Variants in TMEM243 observed in about 807,000 individuals in gnomAD.
The protein encoded by TMEM243 is transmembrane protein 243.
Under a neutral mutation model 15.0 loss-of-function variants are expected in TMEM243, and 20 were observed. The ratio of observed to expected loss-of-function variants is 1.33; its 90% CI spans 0.94 to 1.93. The LOEUF (loss-of-function observed/expected upper bound fraction) is 1.93, where lower values mean the gene tolerates loss of function less well. Ranked by LOEUF, TMEM243 falls within the 30% of genes most tolerant of loss-of-function variation. The probability of loss-of-function intolerance (pLI) is 0.00; values close to 1 mark genes in which losing one functional copy is unlikely to be tolerated. For synonymous variants in TMEM243, 72 were observed against 52.7 expected (o/e 1.37, Z -1.59); for missense variants, 156 against 142.1 (o/e 1.10, Z -0.50).
In TMEM243 at chr7:87,198,385, GA is replaced by G. The variant is rs1311936035; in HGVS notation, c.130-341del. On this transcript the variant is annotated intron_variant, in intron 2 of 3. Transcript: ENST00000257637. Reference sequence around the variant, plus strand: ...TTATTTTAAATATTTCTAGCAAAATGAATATAATCAAAGCTGGTTTTGCTAT... The same window carrying G: ...TTATTTTAAATATTTCTAGCAAAATGATATAATCAAAGCTGGTTTTGCTAT... 1.4e-5 allele frequency: 3 copies of G among 220,798 alleles called. 1 individual carries two copies. The highest frequency in any genetic ancestry group is 6.9e-5 in the African/African-American group (3 of 43,602). 13.7% of individuals were successfully genotyped at this position (220,798 alleles called of 1,614,324 possible). A position where few individuals can be genotyped will look rare whatever the true frequency, so the allele number is the denominator to read the frequency against.
At chr7:87,219,373 G>A (rs895869232) in intron 1 of TMEM243, 53 bp downstream of exon 1, 11 of 1,565,342 alleles carry the variant, frequency 7.0e-6, no homozygotes, top group East Asian at 4.5e-5. Context: ...CCGCCAGAGG[G>A]CAGGCAGCAG....
intron 1 of TMEM243, among the ~76,000 whole-genome samples, chr7:87,207,643 G>T (rs1483848013): frequency 6.6e-6 from 1 of 152,210 alleles, no homozygotes; most frequent in Non-Finnish European, 1.5e-5. Context: ...ATGCCATGAA[G>T]ACATTCCCTA....
chr7:87,215,685 G>A (rs566808881), intron 1 of TMEM243, among the ~76,000 whole-genome samples: 1 of 152,082 alleles, frequency 6.6e-6, no homozygotes, highest in Admixed American at 6.5e-5. Context: ...AAGTACTATA[G>A]CACAAAACTT....
intron 1 of TMEM243, among the ~76,000 whole-genome samples, chr7:87,219,125 TACA>T (rs1325358339): frequency 3.3e-5 from 5 of 152,126 alleles, no homozygotes; most frequent in Non-Finnish European, 7.4e-5. Context: ...GGTGCAGCTG[TACA>T]ACCACTAAAT....
At chr7:87,202,245 C>T (rs1801871672) in intron 1 of TMEM243, among the ~76,000 whole-genome samples, 1 of 152,022 alleles carries the variant, frequency 6.6e-6, no homozygotes, top group Non-Finnish European at 1.5e-5. Flanking sequence ...CTTGGACAGT[C>T]AAGGAGAGAC....
chr7:87,204,619 AATG>A (rs1802071970), intron 1 of TMEM243, among the ~76,000 whole-genome samples: 1 of 152,202 alleles, frequency 6.6e-6, no homozygotes, highest in Non-Finnish European at 1.5e-5. Flanking sequence ...TTAAAGCTCC[AATG>A]TCTCACATCC....
At chr7:87,196,895 G>T in intron 3 of TMEM243, 137 bp from the exon 4 acceptor site, 1 of 612,890 alleles carries the variant, frequency 1.6e-6, no homozygotes, top group Non-Finnish European at 2.8e-6. Context: ...CTACATTCCT[G>T]AGATCAGTAC....
At chr7:87,209,525 AGAGT>A (rs1472448901) in intron 1 of TMEM243, among the ~76,000 whole-genome samples, 12 of 50,418 alleles carry the variant, frequency 2.4e-4, no homozygotes, top group South Asian at 6.5e-4. Context: ...AGTGAGAGAG[AGAGT>A]GAGAGAGAAA....
At position 87,199,028 on chromosome 7, in the gene TMEM243, G is replaced by A; in HGVS notation, c.108C>T (p.Ser36=). Residue 36 remains serine, a synonymous_variant, in exon 2 of 4, where the codon AGC becomes AGT. Coordinates refer to ENST00000257637, the MANE Select transcript of TMEM243 (RefSeq NM_024315.4). ...TTACTAGAATCAATAAGGATGTTAAGCTGCCAACAACTAAATTGATGATTC... is the reference window on the plus strand; with the variant it reads ...TTACTAGAATCAATAAGGATGTTAAACTGCCAACAACTAAATTGATGATTC... ...KDRIINLVVG[S]LTSLLILVTL... 1 of 1,605,792 alleles carries A rather than the reference G, an allele frequency of 6.2e-7. No homozygotes were observed. The highest frequency in any genetic ancestry group is 8.5e-7 in the Non-Finnish European group (1 of 1,177,210).
At chr7:87,209,723 A>AGAGCGAGACACAGT (rs1802554997) in intron 1 of TMEM243, among the ~76,000 whole-genome samples, 1 of 143,022 alleles carries the variant, frequency 7.0e-6, no homozygotes, top group Admixed American at 6.8e-5. Context: ...AGACACAGTG[A>AGAGCGAGACACAGT]GAGCGAGACA....
Position 87,215,998 on chromosome 7 carries a change from T to C in TMEM243, c.78+3428A>G, listed in dbSNP as rs369251816. On this transcript the variant is annotated intron_variant, in intron 1 of 3. Coordinates refer to ENST00000257637, the MANE Select transcript of TMEM243 (RefSeq NM_024315.4). ...ACAACAAATTAAAAAGGGCCAGGCG[T>C]GGTGGCTCACGCCTGTAATCCCAGC... is the stretch of plus-strand genomic sequence containing the variant. Among the ~76,000 whole-genome samples, 77 of 151,960 alleles carry C rather than the reference T, an allele frequency of 5.1e-4. No individual in the cohort carries two copies. In the East Asian group the frequency reaches 0.011, roughly 21 times the overall value.
In TMEM243 at chr7:87,199,013, C is replaced by G; in HGVS notation, c.123G>C (p.Leu41Phe). ...ACAAAATGAGGATACTTACTAGAAT[C>G]AATAAGGATGTTAAGCTGCCAACAA... ...NLVVGSLTSL[L>F]ILVTLISAFV... The change falls in exon 2 of 4, where the codon TTG (leucine) becomes TTC (phenylalanine). Residue 41 changes from leucine to phenylalanine, a missense_variant. By Grantham distance (22) the Leu-to-Phe change is conservative (BLOSUM62 0). Transcript: ENST00000257637. The G allele has an allele frequency of 6.2e-7, 1 of 1,601,516 alleles. No homozygotes were observed. The highest frequency in any genetic ancestry group is 8.5e-7 in the Non-Finnish European group (1 of 1,175,976).
intron 1 of TMEM243, among the ~76,000 whole-genome samples, chr7:87,208,247 C>T (rs1017801696): frequency 6.6e-6 from 1 of 152,210 alleles, no homozygotes; most frequent in Non-Finnish European, 1.5e-5. Context: ...ACCTATGAGT[C>T]TGTAAAATCA....
chr7:87,214,695 C>T (rs1487898288), intron 1 of TMEM243, among the ~76,000 whole-genome samples: 1 of 152,188 alleles, frequency 6.6e-6, no homozygotes, highest in Non-Finnish European at 1.5e-5. Flanking sequence ...ATCACCATAA[C>T]ATTTCAGCTG....
chr7:87,196,441 A>C lies in TMEM243; in HGVS notation c.*195T>G. On this transcript the variant is annotated 3_prime_UTR_variant, in exon 4 of 4. Coordinates refer to ENST00000257637, the MANE Select transcript of TMEM243 (RefSeq NM_024315.4). Reference sequence around the variant, plus strand: ...AAGGGTTGGAATGTTTAGGTGCAACATCAGCTCCTTAAAGAAAAAGCAAAG... The same window carrying C: ...AAGGGTTGGAATGTTTAGGTGCAACCTCAGCTCCTTAAAGAAAAAGCAAAG... 2.0e-6 allele frequency: 1 copy of C among 510,652 alleles called. No individual in the cohort carries two copies. The highest frequency in any genetic ancestry group is 3.3e-6 in the Non-Finnish European group (1 of 300,008). 31.6% of individuals were successfully genotyped at this position (510,652 alleles called of 1,614,324 possible). A position where few individuals can be genotyped will look rare whatever the true frequency, so the allele number is the denominator to read the frequency against.
intron 2 of TMEM243, 93 bp downstream of exon 2, chr7:87,198,914 C>T: frequency 8.6e-7 from 1 of 1,157,164 alleles, no homozygotes; most frequent in Non-Finnish European, 1.2e-6. Flanking sequence ...ATTAAAAGCA[C>T]TTATTTAGCT....
Position 87,198,937 on chromosome 7 carries a change from T to C in TMEM243, c.129+70A>G. 4.4e-6 allele frequency: 6 copies of C among 1,370,146 alleles called. No homozygotes were observed. In the South Asian group the frequency reaches 5.5e-5, roughly 13 times the overall value. 84.9% of individuals were successfully genotyped at this position (1,370,146 alleles called of 1,614,324 possible). The stretch of plus-strand genomic sequence containing the variant: ...CACTTATTTAGCTTTTTTTGGAAAG[T>C]TAACCATAATTGATAAAGTTTTCAA... On this transcript the variant is annotated intron_variant, in intron 2 of 3. Coordinates refer to ENST00000257637, the MANE Select transcript of TMEM243 (RefSeq NM_024315.4).
rs1801256784 is a variant in TMEM243 at position 87,196,553 on chromosome 7, T to C, written c.*83A>G. 7.2e-7 allele frequency: 1 copy of C among 1,381,368 alleles called. No homozygotes were observed. 85.6% of individuals were successfully genotyped at this position (1,381,368 alleles called of 1,614,324 possible). On this transcript the variant is annotated 3_prime_UTR_variant, in exon 4 of 4. Transcript: ENST00000257637. The stretch of plus-strand genomic sequence containing the variant: ...TGTATCAGACTTCTGCAGGAGATTC[T>C]TCAGCATACCTTATCCAAAAATTAC...
intron 3 of TMEM243, among the ~76,000 whole-genome samples, chr7:87,197,521 CAT>C (rs1036240063): frequency 1.3e-5 from 2 of 151,902 alleles, no homozygotes; most frequent in Non-Finnish European, 2.9e-5. Flanking sequence ...GGGAAACAAA[CAT>C]GTAGATTAAA....
Sources: allele counts gnomAD v4.1 joint callset (sites outside exome capture counted in the v4.1 genomes callset), GRCh38; gene constraint gnomAD v4.1.1; transcripts MANE v1.5; gene names NCBI Gene and HGNC (gene_info 2026-07-23, HGNC 2026-07-21).